Variants in SPIDR observed in about 807,000 individuals in gnomAD.
The protein encoded by SPIDR is DNA repair-scaffolding protein.
Under a neutral mutation model 104.6 loss-of-function variants are expected in SPIDR, and 93 were observed. The observed-to-expected ratio is 0.89, with a 90% CI of 0.75 to 1.06. The LOEUF (loss-of-function observed/expected upper bound fraction) is 1.06, where lower values mean the gene tolerates loss of function less well. Ranked by LOEUF, SPIDR falls within the 50% of genes least tolerant of loss-of-function variation. The probability of loss-of-function intolerance (pLI) is 0.00; values close to 1 mark genes in which losing one functional copy is unlikely to be tolerated. For synonymous variants in SPIDR, 431 were observed against 416.9 expected (o/e 1.03, Z -0.41); for missense variants, 1,154 against 1,111.2 (o/e 1.04, Z -0.55).
chr8:47,478,975 G>A (rs535926377), intron 8 of SPIDR, among the ~76,000 whole-genome samples: 1 of 152,126 alleles, frequency 6.6e-6, no homozygotes, highest in African/African-American at 2.4e-5. Context: ...TTGCTTTTGA[G>A]TTGTTTTTTT....
At position 47,735,435 on chromosome 8, in the gene SPIDR, C is replaced by T. The variant is rs763428031; in HGVS notation, c.2733C>T (p.Ala911=). The T allele has an allele frequency of 1.9e-6, 3 of 1,614,188 alleles. No homozygotes were observed. Among genetic ancestry groups the T allele is most frequent in the Non-Finnish European group, 1.7e-6 (2 of 1,180,032 alleles). The change falls in exon 20 of 20, where the codon GCC becomes GCT. Residue 911 remains alanine (A), a synonymous_variant. Coordinates refer to ENST00000297423, the MANE Select transcript of SPIDR (RefSeq NM_001080394.4). The part of the protein sequence containing the change: ...EEIELLSAGG[A]SAEH ...TCGAGCTTCTGAGTGCAGGAGGGGC[C>T]TCTGCAGAACACTAGCGGTTGCCGC...
intron 5 of SPIDR, among the ~76,000 whole-genome samples, chr8:47,353,846 A>G (rs1384295581): frequency 6.6e-6 from 1 of 152,012 alleles, no homozygotes; most frequent in Admixed American, 6.6e-5. Flanking sequence ...CATAAGTTTC[A>G]GTGTAGATTC....
intron 8 of SPIDR, among the ~76,000 whole-genome samples, chr8:47,552,361 T>C (rs139966938): frequency 2.6e-5 from 4 of 152,066 alleles, no homozygotes; most frequent in Non-Finnish European, 1.5e-5. Context: ...GTCTAATATT[T>C]ACAGTGGGGT....
At chr8:47,404,903 C>T (rs2062500630) in intron 6 of SPIDR, among the ~76,000 whole-genome samples, 1 of 152,096 alleles carries the variant, frequency 6.6e-6, no homozygotes, top group African/African-American at 2.4e-5. Flanking sequence ...CACATTGACA[C>T]GTATGTTTAT....
chr8:47,522,948 GTA>G (rs2084389406), intron 8 of SPIDR, among the ~76,000 whole-genome samples: 1 of 151,516 alleles, frequency 6.6e-6, no homozygotes, highest in Non-Finnish European at 1.5e-5. Flanking sequence ...TTTTTTTGTT[GTA>G]TGTGTGTGTG....
chr8:47,502,613 G>T (rs201632540), intron 8 of SPIDR, among the ~76,000 whole-genome samples: 1 of 152,024 alleles, frequency 6.6e-6, no homozygotes, highest in Non-Finnish European at 1.5e-5. Flanking sequence ...ATTTTTTGAA[G>T]GGTTTTTCGT....
In SPIDR at chr8:47,735,468, G is replaced by T; in HGVS notation, c.*18G>T. The T allele has an allele frequency of 6.2e-7, 1 of 1,614,190 alleles. No homozygotes were observed. ...AACACTAGCGGTTGCCGCAGGATCT[G>T]TGAACTTTGCAATGTGGCTGCAAGG... On this transcript the variant is annotated 3_prime_UTR_variant, in exon 20 of 20. Coordinates refer to ENST00000297423, the MANE Select transcript of SPIDR (RefSeq NM_001080394.4).
In SPIDR at chr8:47,614,599, T is replaced by C. The variant is rs368947546; in HGVS notation, c.1544+15403T>C. The stretch of plus-strand genomic sequence containing the variant: ...TTTGCTTTATCCAGTCTATCATTGG[T>C]GGGCATTTGGGTTGATTCTGTCTTT... On this transcript the variant is annotated intron_variant, in intron 10 of 19. Transcript: ENST00000297423. 6.6e-5 allele frequency among the ~76,000 whole-genome samples: 10 copies of C among 152,374 alleles called. No individual in the cohort carries two copies. In the East Asian group the frequency reaches 1.9e-3, roughly 29 times the overall value.
chr8:47,565,747 A>T (rs2154403305), intron 8 of SPIDR, among the ~76,000 whole-genome samples: 1 of 150,960 alleles, frequency 6.6e-6, no homozygotes, highest in South Asian at 2.1e-4. Context: ...TATAGTCCTT[A>T]TATACTATTC....
intron 5 of SPIDR, among the ~76,000 whole-genome samples, chr8:47,373,224 T>A (rs1165590306): frequency 6.6e-6 from 1 of 152,188 alleles, no homozygotes; most frequent in African/African-American, 2.4e-5. Context: ...AAAATCACAT[T>A]TGTTAAAAAT....
intron 8 of SPIDR, among the ~76,000 whole-genome samples, chr8:47,513,071 A>C (rs1243616564): frequency 1.3e-5 from 2 of 152,238 alleles, no homozygotes; most frequent in Non-Finnish European, 2.9e-5. Context: ...GTCACTTCTG[A>C]AACATAAAAT....
chr8:47,593,509 A>AGGG (rs2061305433), intron 8 of SPIDR, among the ~76,000 whole-genome samples: 3 of 152,100 alleles, frequency 2.0e-5, no homozygotes, highest in African/African-American at 7.2e-5. Context: ...ACATCTATTA[A>AGGG]CTGTCTTTAT....
intron 5 of SPIDR, among the ~76,000 whole-genome samples, chr8:47,298,015 TC>T (rs1232803066): frequency 6.6e-6 from 1 of 152,210 alleles, no homozygotes. Flanking sequence ...TAGTTCTAGA[TC>T]CCTGAGGAAT....
At chr8:47,630,402 G>A (rs2066878201) in intron 10 of SPIDR, among the ~76,000 whole-genome samples, 2 of 152,180 alleles carry the variant, frequency 1.3e-5, no homozygotes, top group African/African-American at 4.8e-5. Flanking sequence ...GTCTCTACAG[G>A]TTTGTGACCT....
chr8:47,290,154 C>G (rs2039641538), intron 3 of SPIDR, among the ~76,000 whole-genome samples: 1 of 152,118 alleles, frequency 6.6e-6, no homozygotes, highest in Non-Finnish European at 1.5e-5. Flanking sequence ...ATTCTCCTGC[C>G]TCAGCCCCCC....
intron 8 of SPIDR, among the ~76,000 whole-genome samples, chr8:47,526,037 G>A (rs1305649712): frequency 3.3e-5 from 5 of 152,068 alleles, no homozygotes; most frequent in Non-Finnish European, 7.4e-5. Flanking sequence ...AGCATATAGT[G>A]GCACCAGCCT....
intron 11 of SPIDR, among the ~76,000 whole-genome samples, chr8:47,689,259 G>A (rs979858546): frequency 6.6e-6 from 1 of 152,180 alleles, no homozygotes; most frequent in Non-Finnish European, 1.5e-5. Context: ...AATGGCTTCT[G>A]GACCCATAGC....
At chr8:47,722,665 A>C (rs948455559) in intron 16 of SPIDR, among the ~76,000 whole-genome samples, 11 of 152,236 alleles carry the variant, frequency 7.2e-5, no homozygotes, top group Non-Finnish European at 1.5e-4. Flanking sequence ...TAAGCTTTGC[A>C]CACATTTTCT....
At chr8:47,560,728 T>C (rs952144157) in intron 8 of SPIDR, among the ~76,000 whole-genome samples, 25 of 152,224 alleles carry the variant, frequency 1.6e-4, no homozygotes, top group Non-Finnish European at 1.2e-4. Flanking sequence ...TTCTTTTGCC[T>C]TGCTGTTCTC....
Sources: gnomAD v4.1 joint callset for allele counts (sites outside exome capture counted in the v4.1 genomes callset) on GRCh38, gnomAD v4.1.1 for gene constraint, MANE v1.5 for transcripts, NCBI Gene and HGNC (gene_info 2026-07-23, HGNC 2026-07-21) for gene names.